Variants in NAALADL2 observed in about 807,000 individuals in gnomAD.
The protein encoded by NAALADL2 is inactive N-acetylated-alpha-linked acidic dipeptidase-like protein 2.
In NAALADL2, 76 loss-of-function variants were observed where a neutral mutation model predicts 87.2. The observed-to-expected ratio is 0.87, with a 90% CI of 0.72 to 1.05. The LOEUF is 1.05. Ranked by LOEUF, NAALADL2 falls within the 50% of genes least tolerant of loss-of-function variation. NAALADL2 has a pLI of 0.00. For missense variants in NAALADL2, 1,089 were observed against 945.8 expected (o/e 1.15, Z -1.99); for synonymous variants, 354 against 331.0 (o/e 1.07, Z -0.75).
At chr3:175,544,367 A>T (rs1712920851) in intron 9 of NAALADL2, among the ~76,000 whole-genome samples, 1 of 152,138 alleles carries the variant, frequency 6.6e-6, no homozygotes, top group Non-Finnish European at 1.5e-5. Flanking sequence ...TCCTGCAAGA[A>T]TTTTCTGGAA....
At chr3:174,551,870 G>A (rs374115427) in intron 2 of NAALADL2, among the ~76,000 whole-genome samples, 1 of 152,128 alleles carries the variant, frequency 6.6e-6, no homozygotes, top group Non-Finnish European at 1.5e-5. Flanking sequence ...ATTTTGAAAG[G>A]CTGATGTGGT....
chr3:175,423,901 A>G (rs1716316680), intron 5 of NAALADL2, among the ~76,000 whole-genome samples: 1 of 152,098 alleles, frequency 6.6e-6, no homozygotes, highest in African/African-American at 2.4e-5. Flanking sequence ...AAATGTTCCT[A>G]TTTGTCCACA....
intron 1 of NAALADL2, among the ~76,000 whole-genome samples, chr3:175,011,271 A>G (rs796499904): frequency 0.11 from 14,099 of 122,854 alleles, 1,011 homozygotes; most frequent in East Asian, 0.33. Flanking sequence ...AGGGAGAGAG[A>G]CAGAGAGACA....
At chr3:175,311,259 A>G (rs1302503191) in intron 4 of NAALADL2, among the ~76,000 whole-genome samples, 1 of 149,434 alleles carries the variant, frequency 6.7e-6, no homozygotes, top group East Asian at 2.0e-4. Context: ...GGCTTCTTCC[A>G]TGCCACAACC....
intron 5 of NAALADL2, among the ~76,000 whole-genome samples, chr3:175,369,904 G>A (rs963511860): frequency 2.6e-5 from 4 of 152,074 alleles, no homozygotes; most frequent in East Asian, 1.9e-4. Context: ...CCTACATTCC[G>A]GTTTCTGAAG....
At chr3:174,930,614 CTTTT>C (rs760690405) in intron 1 of NAALADL2, among the ~76,000 whole-genome samples, 80 of 66,812 alleles carry the variant, frequency 1.2e-3, no homozygotes, top group Middle Eastern at 0.013. Flanking sequence ...ATAAGATGAA[CTTTT>C]TTTTTTTTTT....
At chr3:175,749,990 A>G (rs890467779) in intron 12 of NAALADL2, among the ~76,000 whole-genome samples, 5 of 152,078 alleles carry the variant, frequency 3.3e-5, no homozygotes, top group Non-Finnish European at 7.4e-5. Flanking sequence ...TTTAGAGGCT[A>G]CTCCACAAAG....
At chr3:175,113,904 T>C (rs754168132) in intron 2 of NAALADL2, among the ~76,000 whole-genome samples, 14 of 151,646 alleles carry the variant, frequency 9.2e-5, no homozygotes, top group African/African-American at 1.7e-4. Context: ...ACATACACAG[T>C]CTTGGAAAGA....
At chr3:175,462,796 A>G (rs1229192458) in intron 6 of NAALADL2, among the ~76,000 whole-genome samples, 3 of 152,236 alleles carry the variant, frequency 2.0e-5, no homozygotes, top group Non-Finnish European at 4.4e-5. Context: ...GAAAAATTCA[A>G]AAAGGTAGAG....
chr3:175,660,480 C>A (rs1732104067), intron 11 of NAALADL2, among the ~76,000 whole-genome samples: 1 of 152,034 alleles, frequency 6.6e-6, no homozygotes, highest in South Asian at 2.1e-4. Flanking sequence ...ATATCCATCA[C>A]CTCAAATATT....
chr3:175,134,433 G>T lies in NAALADL2; in HGVS notation c.545+37142G>T, dbSNP rs534834737. ...GTGTCATCAGCTACTCAGCTTTTTT[G>T]GGGGGGTCCTTTTTCATGACTGTTT... On this transcript the variant is annotated intron_variant, in intron 2 of 13. Coordinates refer to ENST00000454872, the MANE Select transcript of NAALADL2 (RefSeq NM_207015.3). Among the ~76,000 whole-genome samples, 109 of 88,672 alleles carry T rather than the reference G, an allele frequency of 1.2e-3. 1 individual carries two copies. The highest frequency in any genetic ancestry group is 4.0e-3 in the Admixed American group (35 of 8,836). 58.2% of individuals were successfully genotyped at this position (88,672 alleles called of 152,430 possible). A position where few individuals can be genotyped will look rare whatever the true frequency, so the allele number is the denominator to read the frequency against.
intron 3 of NAALADL2, among the ~76,000 whole-genome samples, chr3:174,758,082 TGCAGGTCATG>T (rs1351769979): frequency 6.6e-6 from 1 of 152,184 alleles, no homozygotes; most frequent in Admixed American, 6.5e-5. Flanking sequence ...AGCAGAGAAC[TGCAGGTCATG>T]AGTGCCAATC....
chr3:174,443,720 T>A (rs1397247844), intron 1 of NAALADL2, among the ~76,000 whole-genome samples: 1 of 152,116 alleles, frequency 6.6e-6, no homozygotes, highest in African/African-American at 2.4e-5. Flanking sequence ...ATGGTGTACG[T>A]CAGCATTATG....
At chr3:175,004,433 T>C (rs1748729081) in intron 1 of NAALADL2, among the ~76,000 whole-genome samples, 1 of 145,248 alleles carries the variant, frequency 6.9e-6, no homozygotes, top group South Asian at 2.2e-4. Context: ...AGGTAGAGAC[T>C]GAAAAGCTAC....
chr3:175,543,191 G>A (rs1431912413), intron 9 of NAALADL2, among the ~76,000 whole-genome samples: 1 of 152,032 alleles, frequency 6.6e-6, no homozygotes, highest in Non-Finnish European at 1.5e-5. Flanking sequence ...ACTGCCTATT[G>A]ATGTAGGTTC....
At chr3:175,684,396 T>A (rs1348077684) in intron 11 of NAALADL2, among the ~76,000 whole-genome samples, 1 of 152,186 alleles carries the variant, frequency 6.6e-6, no homozygotes. Flanking sequence ...TCATTTATAT[T>A]TGTAAAGTGA....
chr3:174,613,842 C>T (rs1720182130), intron 2 of NAALADL2, among the ~76,000 whole-genome samples: 1 of 152,200 alleles, frequency 6.6e-6, no homozygotes, highest in Non-Finnish European at 1.5e-5. Context: ...CCACATCATA[C>T]TACCTGGGTA....
chr3:174,458,839 T>C (rs1187913819), intron 1 of NAALADL2, among the ~76,000 whole-genome samples: 1 of 152,208 alleles, frequency 6.6e-6, no homozygotes, highest in Non-Finnish European at 1.5e-5. Context: ...AGCCTTTTAT[T>C]AGACTATAGC....
intron 2 of NAALADL2, among the ~76,000 whole-genome samples, chr3:175,178,464 T>G (rs1735999544): frequency 6.6e-6 from 1 of 152,064 alleles, no homozygotes; most frequent in Non-Finnish European, 1.5e-5. Flanking sequence ...GATTTAGTGG[T>G]CAAGGGTAGA....
Sources: allele counts gnomAD v4.1 joint callset (sites outside exome capture counted in the v4.1 genomes callset), GRCh38; gene constraint gnomAD v4.1.1; transcripts MANE v1.5; gene names NCBI Gene and HGNC (gene_info 2026-07-23, HGNC 2026-07-21).